Variants in HTR7 observed in about 807,000 individuals in gnomAD.
HTR7 encodes the protein 5-hydroxytryptamine receptor 7.
In HTR7, 16 loss-of-function variants were observed where a neutral mutation model predicts 34.0. That is an observed-to-expected ratio of 0.47 (90% CI 0.32 to 0.71). HTR7 has a LOEUF of 0.71. Ranked by LOEUF, HTR7 falls within the 30% of genes least tolerant of loss-of-function variation. The probability of loss-of-function intolerance (pLI) is 0.04; values close to 1 mark genes in which losing one functional copy is unlikely to be tolerated. For synonymous variants in HTR7, 265 were observed against 260.2 expected, an observed-to-expected ratio of 1.02 and a Z score of -0.18; for missense variants, 504 against 625.5, an observed-to-expected ratio of 0.81 and a Z score of 2.07.
chr10:90,802,788 T>G (rs973787730), intron 1 of HTR7, among the ~76,000 whole-genome samples: 1 of 152,196 alleles, frequency 6.6e-6, no homozygotes, highest in Non-Finnish European at 1.5e-5. Flanking sequence ...TTCATGATCA[T>G]GGAATCAGTC....
At chr10:90,769,523 G>C (rs559425749) in intron 1 of HTR7, among the ~76,000 whole-genome samples, 1 of 152,068 alleles carries the variant, frequency 6.6e-6, no homozygotes, top group Non-Finnish European at 1.5e-5. Context: ...TCTGATCGAG[G>C]CCTATCACAA....
chr10:90,807,305 C>A (rs1365094465), intron 1 of HTR7, among the ~76,000 whole-genome samples: 1 of 152,080 alleles, frequency 6.6e-6, no homozygotes, highest in Non-Finnish European at 1.5e-5. Flanking sequence ...GCCTCTGAGC[C>A]CAAGCCAAGC....
Position 90,857,112 on chromosome 10 carries a change from A to G in HTR7, c.539+21T>C. The G allele has an allele frequency of 6.6e-7, 1 of 1,522,088 alleles. No individual in the cohort carries two copies. The highest frequency in any genetic ancestry group is 8.8e-7 in the Non-Finnish European group (1 of 1,130,622). The allele number at this position is 1,522,088 out of a possible 1,614,324, so 94.3% of individuals were successfully genotyped here. On this transcript the variant is annotated intron_variant, in intron 1 of 3. Coordinates refer to ENST00000336152, the MANE Select transcript of HTR7 (RefSeq NM_019859.4). This position sits in a 1 kb window ranked among gnomAD's most constrained non-coding sequence, Gnocchi z 6.5. ...AGCCGGTCCCCAGCCGGAGCCTGGG[A>G]CGGGGCGGTCCGGCCCTTACCTGTC...
At chr10:90,793,271 A>T (rs1233213634) in intron 1 of HTR7, among the ~76,000 whole-genome samples, 1 of 152,106 alleles carries the variant, frequency 6.6e-6, no homozygotes, top group East Asian at 1.9e-4. Context: ...TTCTGAAAAG[A>T]AGATACACAA....
In HTR7 at chr10:90,844,725, T is replaced by TAAA. The variant is rs1564701422; in HGVS notation, c.539+12407_539+12408insTTT. Among the ~76,000 whole-genome samples the TAAA allele has an allele frequency of 4.0e-3, 110 of 27,792 alleles. 22 individuals are homozygous for TAAA. Among genetic ancestry groups the TAAA allele is most frequent in the African/African-American group, 0.011 (105 of 9,798 alleles). 18.2% of individuals were successfully genotyped at this position (27,792 alleles called of 152,430 possible). A position where few individuals can be genotyped will look rare whatever the true frequency, so the allele number is the denominator to read the frequency against. ...CTGGGCAACAGAATGAGACTCCGTC[T>TAAA]CAAAAAAAAAAAAAAAAAAAAAAAA... On this transcript the variant is annotated intron_variant, in intron 1 of 3. Transcript: ENST00000336152.
At chr10:90,855,426 T>C (rs112075664) in intron 1 of HTR7, among the ~76,000 whole-genome samples, 223 of 152,342 alleles carry the variant, frequency 1.5e-3, no homozygotes, top group African/African-American at 5.1e-3. Flanking sequence ...TAGCACAAGG[T>C]ATTATTTATG....
At chr10:90,771,049 A>G (rs1398566716) in intron 1 of HTR7, among the ~76,000 whole-genome samples, 1 of 152,180 alleles carries the variant, frequency 6.6e-6, no homozygotes, top group Admixed American at 6.5e-5. Context: ...TGCAGAAAGG[A>G]GCTACCCTCT....
At chr10:90,743,252 G>T (rs987929287) in intron 3 of HTR7, among the ~76,000 whole-genome samples, 1 of 152,142 alleles carries the variant, frequency 6.6e-6, no homozygotes, top group Non-Finnish European at 1.5e-5. Flanking sequence ...CCTTCTTTGA[G>T]GTCCCCCTCT....
chr10:90,821,134 G>GCGCACA (rs111550818), intron 1 of HTR7, among the ~76,000 whole-genome samples: 115 of 150,318 alleles, frequency 7.7e-4, no homozygotes, highest in African/African-American at 2.7e-3. Flanking sequence ...ACACACACAT[G>GCGCACA]CACACACACA....
At chr10:90,780,066 T>A (rs1384046179) in intron 1 of HTR7, among the ~76,000 whole-genome samples, 1 of 152,194 alleles carries the variant, frequency 6.6e-6, no homozygotes. Context: ...CTTCTATAAG[T>A]GTATCACTTG....
intron 1 of HTR7, among the ~76,000 whole-genome samples, chr10:90,836,498 A>G (rs1341260198): frequency 6.6e-6 from 1 of 152,100 alleles, no homozygotes; most frequent in East Asian, 1.9e-4. Context: ...CTTTGTGAAT[A>G]TATATTGTTA....
Position 90,791,394 on chromosome 10 carries a change from G to A in HTR7, c.540-41800C>T, listed in dbSNP as rs559317528. 2.6e-5 allele frequency among the ~76,000 whole-genome samples: 4 copies of A among 152,086 alleles called. No homozygotes were observed. In the East Asian group the frequency reaches 5.8e-4, roughly 22 times the overall value. On this transcript the variant is annotated intron_variant, in intron 1 of 3. Coordinates refer to ENST00000336152, the MANE Select transcript of HTR7 (RefSeq NM_019859.4). ...AATTTCAACTGGGAAGTTAAAGAAA[G>A]GTTATATGGATAACCTAATACTGAA...
intron 1 of HTR7, among the ~76,000 whole-genome samples, chr10:90,804,015 G>A (rs893295418): frequency 6.6e-6 from 1 of 152,166 alleles, no homozygotes; most frequent in Non-Finnish European, 1.5e-5. Context: ...ACTGGCAGAG[G>A]AGCAGAGCAG....
At chr10:90,810,022 A>G (rs1288605680) in intron 1 of HTR7, among the ~76,000 whole-genome samples, 1 of 152,000 alleles carries the variant, frequency 6.6e-6, no homozygotes, top group African/African-American at 2.4e-5. Flanking sequence ...ACTCCACATT[A>G]CCTCCTTTTC....
rs563968489 is a variant in HTR7, at chr10:90,814,116, C to A, written c.539+43017G>T. On this transcript the variant is annotated intron_variant, in intron 1 of 3. Coordinates refer to ENST00000336152, the MANE Select transcript of HTR7 (RefSeq NM_019859.4). ...GATTTCCTTGGCATGAGATGACAAA[C>A]CTCAGGTATTTACTCCAGACAATGG... 5.3e-5 allele frequency among the ~76,000 whole-genome samples: 8 copies of A among 152,302 alleles called. No homozygotes were observed. In the South Asian group the frequency reaches 1.5e-3, roughly 28 times the overall value.
chr10:90,848,286 T>C lies in HTR7; in HGVS notation c.539+8847A>G, dbSNP rs1846443488. Among the ~76,000 whole-genome samples, 6 of 152,278 alleles carry C rather than the reference T, an allele frequency of 3.9e-5. No individual in the cohort carries two copies. In the South Asian group the frequency reaches 1.2e-3, roughly 32 times the overall value. ...CATGTTGGTCAGGCTGGTCTCGAAC[T>C]CCAGACCTCAGGTGATCTGCCCGCC... On this transcript the variant is annotated intron_variant, in intron 1 of 3. Coordinates refer to ENST00000336152, the MANE Select transcript of HTR7 (RefSeq NM_019859.4).
chr10:90,762,949 G>T (rs1844963633), intron 1 of HTR7, among the ~76,000 whole-genome samples: 2 of 152,116 alleles, frequency 1.3e-5, no homozygotes, highest in Non-Finnish European at 2.9e-5. Flanking sequence ...CCGTGTATGT[G>T]GAGGTTTCCA....
At chr10:90,807,811 G>A (rs1009841842) in intron 1 of HTR7, among the ~76,000 whole-genome samples, 49 of 112,584 alleles carry the variant, frequency 4.4e-4, no homozygotes, top group African/African-American at 1.0e-3. Flanking sequence ...TCTTTGCTCC[G>A]TGAAAAAGAT....
At position 90,828,350 on chromosome 10, in the gene HTR7, T is replaced by C. The variant is rs377127192; in HGVS notation, c.539+28783A>G. ...GAACCTAAAATCAGTAGACAAATAATAAATATCAGAGCAGAAATAAATGAA... is the reference window on the plus strand; with the variant it reads ...GAACCTAAAATCAGTAGACAAATAACAAATATCAGAGCAGAAATAAATGAA... On this transcript the variant is annotated intron_variant, in intron 1 of 3. Coordinates refer to ENST00000336152, the MANE Select transcript of HTR7 (RefSeq NM_019859.4). Among the ~76,000 whole-genome samples, 42 of 151,992 alleles carry C rather than the reference T, an allele frequency of 2.8e-4. No homozygotes were observed. In the East Asian group the frequency reaches 5.4e-3, roughly 20 times the overall value.
Sources: allele counts gnomAD v4.1 joint callset (sites outside exome capture counted in the v4.1 genomes callset), GRCh38; gene constraint gnomAD v4.1.1; non-coding constraint Gnocchi (gnomAD v3.1); transcripts MANE v1.5; gene names NCBI Gene and HGNC (gene_info 2026-07-23, HGNC 2026-07-21).